Variants in LOC128125817 observed in about 807,000 individuals in gnomAD.
the LOC128125817 span, among the ~76,000 whole-genome samples, chr1:41,598,032 A>T: frequency 1.3e-5 from 2 of 152,334 alleles, no homozygotes; most frequent in Admixed American, 1.3e-4. Context: ...CTGGACACCC[A>T]TGAGAACTCA....
the LOC128125817 span, among the ~76,000 whole-genome samples, chr1:41,600,022 C>T: frequency 6.6e-6 from 1 of 152,168 alleles, no homozygotes; most frequent in African/African-American, 2.4e-5. Flanking sequence ...GAAGATACCA[C>T]CTCACACACA....
the LOC128125817 span, among the ~76,000 whole-genome samples, chr1:41,620,725 G>A: frequency 8.5e-5 from 13 of 152,176 alleles, no homozygotes; most frequent in Admixed American, 5.9e-4. Flanking sequence ...TCAGGCTTGC[G>A]ACACTAGTGC....
chr1:41,613,039 C>A, the LOC128125817 span, among the ~76,000 whole-genome samples: 7 of 152,250 alleles, frequency 4.6e-5, no homozygotes, highest in Non-Finnish European at 8.8e-5. Flanking sequence ...GGGACCTGGA[C>A]AGGGCAGAGG....
the LOC128125817 span, among the ~76,000 whole-genome samples, chr1:41,595,510 C>G: frequency 0.029 from 4,472 of 152,138 alleles, 203 homozygotes; most frequent in African/African-American, 0.095. Context: ...GTCAGCATAC[C>G]CTTGTTTGAG....
chr1:41,624,033 C>T, the LOC128125817 span, among the ~76,000 whole-genome samples: 1 of 152,202 alleles, frequency 6.6e-6, no homozygotes, highest in Non-Finnish European at 1.5e-5. Flanking sequence ...TGAGTTTGCT[C>T]ATCAACAACT....
At chr1:41,604,853 C>T in the LOC128125817 span, among the ~76,000 whole-genome samples, 3 of 152,184 alleles carry the variant, frequency 2.0e-5, no homozygotes, top group East Asian at 3.9e-4. Context: ...CCTATAATCT[C>T]AGCATTTTGG....
the LOC128125817 span, among the ~76,000 whole-genome samples, chr1:41,622,673 C>T: frequency 0.62 from 94,025 of 152,076 alleles, 29,580 homozygotes; most frequent in African/African-American, 0.74. Flanking sequence ...GCCATAGACG[C>T]TGGAAGCTAT....
At chr1:41,613,331 C>T in the LOC128125817 span, among the ~76,000 whole-genome samples, 22 of 152,218 alleles carry the variant, frequency 1.4e-4, no homozygotes, top group African/African-American at 4.3e-4. Flanking sequence ...TACTTTGGAA[C>T]GCGTGGGGCG....
At chr1:41,608,010 G>T in the LOC128125817 span, among the ~76,000 whole-genome samples, 4 of 152,222 alleles carry the variant, frequency 2.6e-5, no homozygotes, top group Admixed American at 1.3e-4. Flanking sequence ...ACTCCTAGCT[G>T]CTAGGAGGGT....
chr1:41,609,211 G>C, the LOC128125817 span, among the ~76,000 whole-genome samples: 1 of 152,230 alleles, frequency 6.6e-6, no homozygotes, highest in African/African-American at 2.4e-5. Context: ...ACACCGGAAA[G>C]GAAGATGAAC....
the LOC128125817 span, among the ~76,000 whole-genome samples, chr1:41,607,509 TCTTA>T: frequency 2.0e-5 from 3 of 152,022 alleles, no homozygotes; most frequent in African/African-American, 7.3e-5. Flanking sequence ...TGAAAGAACC[TCTTA>T]CTTACTGTTA....
chr1:41,588,528 G>A, the LOC128125817 span, among the ~76,000 whole-genome samples: 2 of 152,180 alleles, frequency 1.3e-5, no homozygotes, highest in African/African-American at 2.4e-5. Flanking sequence ...CCAGGTGGGA[G>A]GGGCAGGGTA....
chr1:41,607,513 A>C, the LOC128125817 span, among the ~76,000 whole-genome samples: 1 of 151,972 alleles, frequency 6.6e-6, no homozygotes, highest in East Asian at 1.9e-4. Flanking sequence ...AGAACCTCTT[A>C]CTTACTGTTA....
At chr1:41,585,970 G>A in the LOC128125817 span, among the ~76,000 whole-genome samples, 4 of 152,234 alleles carry the variant, frequency 2.6e-5, no homozygotes, top group East Asian at 1.9e-4. Context: ...TTGCTAACCC[G>A]CACCCCAGCC....
the LOC128125817 span, among the ~76,000 whole-genome samples, chr1:41,605,162 A>C: frequency 2.0e-5 from 1 of 50,790 alleles, no homozygotes; most frequent in Non-Finnish European, 3.6e-5. Context: ...GGAGGGGTGG[A>C]GAGGGGAGGG....
chr1:41,598,198 T>A, the LOC128125817 span, among the ~76,000 whole-genome samples: 2 of 152,184 alleles, frequency 1.3e-5, no homozygotes, highest in Non-Finnish European at 2.9e-5. Flanking sequence ...CAGTCTCTCA[T>A]CAACACCGCC....
At chr1:41,615,401 G>T in the LOC128125817 span, among the ~76,000 whole-genome samples, 5 of 152,310 alleles carry the variant, frequency 3.3e-5, no homozygotes, top group Non-Finnish European at 7.4e-5. Context: ...CCTCAGCCTG[G>T]CTTCCCCATC....
At chr1:41,611,140 G>T in the LOC128125817 span, among the ~76,000 whole-genome samples, 1 of 152,192 alleles carries the variant, frequency 6.6e-6, no homozygotes, top group Admixed American at 6.5e-5. Context: ...CTAAACAAAG[G>T]TCACGGGTTG....
the LOC128125817 span, among the ~76,000 whole-genome samples, chr1:41,605,162 AGAGGG>A: frequency 1.6e-4 from 8 of 50,792 alleles, no homozygotes; most frequent in Admixed American, 5.9e-4. Flanking sequence ...GGAGGGGTGG[AGAGGG>A]GAGGGGAGGG....
Sources: allele counts gnomAD v4.1 joint callset (sites outside exome capture counted in the v4.1 genomes callset), GRCh38; gene constraint gnomAD v4.1.1; transcripts MANE v1.5.